The following UBE3D variants were observed in gnomAD, a reference collection of about 807,000 sequenced individuals.
UBE3D encodes ubiquitin protein ligase E3D, also known as E3 ubiquitin-protein ligase E3D.
A neutral mutation model predicts 49.6 loss-of-function variants in UBE3D; 48 were observed. The observed-to-expected ratio is 0.97, with a 90% CI of 0.77 to 1.23. UBE3D has a LOEUF of 1.23. Among genes scored for constraint, UBE3D ranks in the 50% most tolerant of loss-of-function variants. The probability of loss-of-function intolerance (pLI) is 0.00; values close to 1 mark genes in which losing one functional copy is unlikely to be tolerated. For missense variants in UBE3D, 452 were observed against 468.4 expected, an observed-to-expected ratio of 0.96 and a Z score of 0.32; for synonymous variants, 189 against 174.2, an observed-to-expected ratio of 1.08 and a Z score of -0.67.
At position 83,006,783 on chromosome 6, in the gene UBE3D, T is replaced by C. The variant is rs562740688; in HGVS notation, c.1010+12190A>G. On this transcript the variant is annotated intron_variant, in intron 8 of 9. Coordinates refer to ENST00000369747, the MANE Select transcript of UBE3D (RefSeq NM_198920.3). ...GGGTGAGTGGGAAAGAGGGTTGTGG[T>C]TTAATGAGTATGGAGTTTCAGATTT... Among the ~76,000 whole-genome samples the C allele has an allele frequency of 1.9e-3, 287 of 152,174 alleles. 2 individuals carry two copies. The highest frequency in any genetic ancestry group is 6.4e-3 in the African/African-American group (266 of 41,506).
intron 8 of UBE3D, among the ~76,000 whole-genome samples, chr6:82,971,982 C>T (rs1777385514): frequency 6.6e-6 from 1 of 152,058 alleles, no homozygotes; most frequent in African/African-American, 2.4e-5. Context: ...AATTGGTTGG[C>T]AGTGATTGTG....
Position 82,967,270 on chromosome 6 carries a change from T to C in UBE3D, c.1011-9820A>G, listed in dbSNP as rs187323733. On this transcript the variant is annotated intron_variant, in intron 8 of 9. Coordinates refer to ENST00000369747, the MANE Select transcript of UBE3D (RefSeq NM_198920.3). ...TTCTGGATAACTACATCAACATTGA[T>C]ATAATTCACCAACCTTTTTTAAACC... is the stretch of plus-strand genomic sequence containing the variant. 1.6e-3 allele frequency among the ~76,000 whole-genome samples: 247 copies of C among 152,346 alleles called. 1 individual carries two copies. Among genetic ancestry groups the C allele is most frequent in the African/African-American group, 5.1e-3 (213 of 41,588 alleles).
At chr6:83,036,671 G>C (rs1782279857) in intron 5 of UBE3D, 1 of 151,054 alleles carries the variant, frequency 6.6e-6, no homozygotes, top group African/African-American at 2.4e-5. Context: ...GAAAGTTCTT[G>C]GGTATAGGTA....
intron 9 of UBE3D, among the ~76,000 whole-genome samples, chr6:82,906,478 C>T (rs928188751): frequency 9.2e-5 from 14 of 152,186 alleles, no homozygotes; most frequent in East Asian, 5.8e-4. Flanking sequence ...GTCCTTTTGA[C>T]GTGATCCTAG....
chr6:82,967,436 G>A (rs1275561431), intron 8 of UBE3D, among the ~76,000 whole-genome samples: 1 of 152,102 alleles, frequency 6.6e-6, no homozygotes, highest in East Asian at 1.9e-4. Flanking sequence ...CATCTCTTAA[G>A]ATAACTCTTT....
the UBE3D span, among the ~76,000 whole-genome samples, chr6:82,886,751 T>A: frequency 6.6e-6 from 1 of 152,218 alleles, no homozygotes; most frequent in Non-Finnish European, 1.5e-5. Flanking sequence ...TCAACTTAAT[T>A]TTCTCATGAT....
At chr6:82,978,270 G>A (rs1312776581) in intron 8 of UBE3D, among the ~76,000 whole-genome samples, 2 of 152,036 alleles carry the variant, frequency 1.3e-5, no homozygotes, top group Admixed American at 6.6e-5. Flanking sequence ...GCATGGTAGA[G>A]CTAAATTTTC....
chr6:82,897,726 A>C (rs1338750722), intron 9 of UBE3D, among the ~76,000 whole-genome samples: 1 of 151,168 alleles, frequency 6.6e-6, no homozygotes, highest in East Asian at 1.9e-4. Flanking sequence ...GCAGCTAGCA[A>C]ATATACTTGA....
At chr6:82,919,286 C>G (rs1197989807) in intron 9 of UBE3D, among the ~76,000 whole-genome samples, 3 of 152,020 alleles carry the variant, frequency 2.0e-5, no homozygotes, top group South Asian at 4.2e-4. Context: ...GACCCATGCT[C>G]TTCTTCAGTG....
chr6:82,944,016 T>C (rs1251433450), intron 9 of UBE3D, among the ~76,000 whole-genome samples: 1 of 151,980 alleles, frequency 6.6e-6, no homozygotes, highest in Non-Finnish European at 1.5e-5. Context: ...TGAAGTGCTC[T>C]GGGGCCATAA....
At chr6:82,904,699 A>G (rs946089161) in intron 9 of UBE3D, among the ~76,000 whole-genome samples, 1 of 152,178 alleles carries the variant, frequency 6.6e-6, no homozygotes, top group African/African-American at 2.4e-5. Context: ...GAACAAATTC[A>G]TGTTTAATTG....
intron 8 of UBE3D, among the ~76,000 whole-genome samples, chr6:83,006,722 A>G (rs1190944923): frequency 1.3e-5 from 2 of 152,184 alleles, no homozygotes; most frequent in African/African-American, 2.4e-5. Flanking sequence ...TCAAATTCAT[A>G]GAAGTAGTAA....
intron 9 of UBE3D, among the ~76,000 whole-genome samples, chr6:82,948,381 CA>C (rs1775552606): frequency 6.6e-6 from 1 of 151,768 alleles, no homozygotes; most frequent in African/African-American, 2.4e-5. Flanking sequence ...CAAAGTTCCC[CA>C]GTAAAGAAAA....
chr6:82,992,020 G>A lies in UBE3D; in HGVS notation c.1010+26953C>T, dbSNP rs568286779. 1.2e-3 allele frequency among the ~76,000 whole-genome samples: 187 copies of A among 151,970 alleles called. 1 individual carries two copies. The highest frequency in any genetic ancestry group is 4.3e-3 in the African/African-American group (178 of 41,454). ...ACAAAAAACAAAAAACAAAAATCCC[G>A]AAAAGTTTAAAGTTTTTATTACATT... On this transcript the variant is annotated intron_variant, in intron 8 of 9. Transcript: ENST00000369747.
intron 8 of UBE3D, among the ~76,000 whole-genome samples, chr6:83,004,125 AC>A (rs1198652348): frequency 1.3e-5 from 2 of 152,194 alleles, no homozygotes; most frequent in African/African-American, 4.8e-5. Context: ...TCAGATATGA[AC>A]ATACTGTAAA....
Position 82,893,033 on chromosome 6 carries a change from A to G in UBE3D, c.1159T>C (p.Leu387=). 1 of 1,613,764 alleles carries G rather than the reference A, an allele frequency of 6.2e-7. No individual in the cohort carries two copies. The change falls in exon 10 of 10, where the codon TTG becomes CTG. Residue 387 remains leucine, a synonymous_variant. Coordinates refer to ENST00000369747, the MANE Select transcript of UBE3D (RefSeq NM_198920.3). Reference sequence around the variant, plus strand: ...CCCAGCTCTAATAGTTACATCTTCAAAAAGGCCACCTGGAGAAGGAAGAAA... The same window carrying G: ...CCCAGCTCTAATAGTTACATCTTCAGAAAGGCCACCTGGAGAAGGAAGAAA... ...RRVNSFQVAF[L]KM is the part of the protein sequence containing the mutation.
intron 9 of UBE3D, among the ~76,000 whole-genome samples, chr6:82,941,243 G>T (rs968992403): frequency 6.6e-6 from 1 of 151,576 alleles, no homozygotes; most frequent in Non-Finnish European, 1.5e-5. Context: ...TGTCAATACT[G>T]GTTACTCCCA....
chr6:82,887,389 G>GTTTTTGTTTTTTTTTTTTT, the UBE3D span, among the ~76,000 whole-genome samples: 3 of 98,368 alleles, frequency 3.0e-5, no homozygotes, highest in African/African-American at 1.5e-4. Context: ...GACAGTAACA[G>GTTTTTGTTTTTTTTTTTTT]TTTTTTTTTT....
chr6:83,050,246 T>TAA (rs11375982), intron 3 of UBE3D, among the ~76,000 whole-genome samples: 358 of 146,556 alleles, frequency 2.4e-3, no homozygotes, highest in African/African-American at 6.4e-3. Flanking sequence ...CTTTTTTATT[T>TAA]AAAAAAAAAA....
Sources: gnomAD v4.1 joint callset for allele counts (sites outside exome capture counted in the v4.1 genomes callset) on GRCh38, gnomAD v4.1.1 for gene constraint, MANE v1.5 for transcripts, NCBI Gene and HGNC (gene_info 2026-07-23, HGNC 2026-07-21) for gene names.